The following PXT1 variants were observed in gnomAD, a reference collection of about 807,000 sequenced individuals.
PXT1 encodes the protein peroxisomal testis enriched protein 1.
PXT1 carries 11 observed loss-of-function variants against 11.0 expected under a neutral mutation model. The observed-to-expected ratio is 1.00, with a 90% CI of 0.63 to 1.66. The LOEUF (loss-of-function observed/expected upper bound fraction) is 1.66. Ranked by LOEUF, PXT1 falls within the 40% of genes most tolerant of loss-of-function variation. The pLI is 0.00. For synonymous variants in PXT1, 43 were observed against 51.4 expected (o/e 0.84, Z 0.70); for missense variants, 141 against 155.5 (o/e 0.91, Z 0.49).
At chr6:36,393,968 C>T (rs1774107388) in intron 4 of PXT1, among the ~76,000 whole-genome samples, 1 of 152,156 alleles carries the variant, frequency 6.6e-6, no homozygotes, top group African/African-American at 2.4e-5. Flanking sequence ...CAGAGCCTGA[C>T]ATACAGCAGG....
rs1220591722 is a variant in PXT1 at position 36,400,365 on chromosome 6, C to T, written c.300+89G>A. On this transcript the variant is annotated intron_variant, in intron 4 of 4. Transcript: ENST00000454782. ...CATTATTCCATTAATTCTGATAATT[C>T]CTGGGCATCTCAGACACTTGGCAGC... 3.5e-6 allele frequency: 5 copies of T among 1,442,192 alleles called. No homozygotes were observed. In the South Asian group the frequency reaches 4.8e-5, roughly 14 times the overall value. 89.3% of individuals were successfully genotyped at this position (1,442,192 alleles called of 1,614,324 possible).
At chr6:36,437,828 T>C (rs1774789315) in intron 2 of PXT1, among the ~76,000 whole-genome samples, 1 of 139,008 alleles carries the variant, frequency 7.2e-6, no homozygotes, top group African/African-American at 2.7e-5. Flanking sequence ...TGCTTTTTTT[T>C]TTTTTTTTTT....
chr6:36,408,629 G>A (rs1257624577), intron 3 of PXT1, among the ~76,000 whole-genome samples: 2 of 150,970 alleles, frequency 1.3e-5, no homozygotes, highest in Admixed American at 6.6e-5. Context: ...ATTTTGGGAG[G>A]CTGTTGGGGG....
At chr6:36,405,907 C>G (rs1279124894) in intron 3 of PXT1, among the ~76,000 whole-genome samples, 1 of 152,212 alleles carries the variant, frequency 6.6e-6, no homozygotes, top group African/African-American at 2.4e-5. Flanking sequence ...ACAGGCTATA[C>G]CGTCTAGCCT....
chr6:36,421,614 T>C (rs1318820044), intron 3 of PXT1, among the ~76,000 whole-genome samples: 1 of 152,202 alleles, frequency 6.6e-6, no homozygotes, highest in African/African-American at 2.4e-5. Context: ...AAAACTTAAA[T>C]AGAACTTTTT....
intron 2 of PXT1, among the ~76,000 whole-genome samples, chr6:36,426,414 A>G (rs964982052): frequency 5.0e-5 from 6 of 119,554 alleles, no homozygotes; most frequent in Non-Finnish European, 7.9e-5. Flanking sequence ...CTTGTTGCCC[A>G]GGCTGGAGTG....
intron 4 of PXT1, among the ~76,000 whole-genome samples, chr6:36,394,511 G>A (rs539436330): frequency 6.6e-6 from 1 of 152,062 alleles, no homozygotes; most frequent in Non-Finnish European, 1.5e-5. Context: ...ACTCTAAAAG[G>A]TGTGGAGAAA....
At chr6:36,409,438 C>T (rs1417733737) in intron 3 of PXT1, among the ~76,000 whole-genome samples, 3 of 152,076 alleles carry the variant, frequency 2.0e-5, no homozygotes, top group African/African-American at 7.2e-5. Flanking sequence ...GGGAGACGCA[C>T]CCTTAACTGG....
At chr6:36,409,715 T>G (rs1452587545) in intron 3 of PXT1, among the ~76,000 whole-genome samples, 1 of 150,814 alleles carries the variant, frequency 6.6e-6, no homozygotes, top group Non-Finnish European at 1.5e-5. Context: ...TAGTCTCAGA[T>G]CTCGGGAGGC....
chr6:36,416,598 T>G (rs1409615100), intron 3 of PXT1, among the ~76,000 whole-genome samples: 1 of 152,188 alleles, frequency 6.6e-6, no homozygotes, highest in Non-Finnish European at 1.5e-5. Context: ...AGCCTCAACT[T>G]CTCTGTGCCT....
chr6:36,434,972 ATTGAAAATCACCC>A (rs1291616015), intron 2 of PXT1, among the ~76,000 whole-genome samples: 4 of 152,192 alleles, frequency 2.6e-5, no homozygotes, highest in Non-Finnish European at 4.4e-5. Context: ...CTTTTATGTG[ATTGAAAATCACCC>A]TTGAAGGTAA....
intron 3 of PXT1, among the ~76,000 whole-genome samples, chr6:36,407,751 G>C (rs2127412400): frequency 6.6e-6 from 1 of 152,100 alleles, no homozygotes; most frequent in East Asian, 1.9e-4. Context: ...TAAAGGTATA[G>C]CCTATTGCTC....
chr6:36,432,398 G>A (rs1327002438), intron 2 of PXT1, among the ~76,000 whole-genome samples: 1 of 152,066 alleles, frequency 6.6e-6, no homozygotes, highest in Non-Finnish European at 1.5e-5. Flanking sequence ...ACAATTGGGG[G>A]GAAATACACA....
intron 2 of PXT1, among the ~76,000 whole-genome samples, chr6:36,428,055 T>G (rs1774634059): frequency 1.3e-5 from 2 of 152,254 alleles, no homozygotes; most frequent in East Asian, 3.9e-4. Flanking sequence ...ACTGGACTCA[T>G]TAGGCAAACT....
At chr6:36,405,621 T>C (rs73408874) in intron 3 of PXT1, among the ~76,000 whole-genome samples, 147 of 152,176 alleles carry the variant, frequency 9.7e-4, no homozygotes, top group African/African-American at 3.3e-3. Context: ...AAAAGTAAAT[T>C]TGGTGTAGCC....
At chr6:36,404,839 T>C (rs1774266152) in intron 3 of PXT1, among the ~76,000 whole-genome samples, 1 of 152,038 alleles carries the variant, frequency 6.6e-6, no homozygotes, top group African/African-American at 2.4e-5. Flanking sequence ...GCACTTGTAA[T>C]CCCAGCTACT....
At chr6:36,439,915 A>G (rs1276709458) in intron 1 of PXT1, among the ~76,000 whole-genome samples, 1 of 152,142 alleles carries the variant, frequency 6.6e-6, no homozygotes, top group African/African-American at 2.4e-5. Flanking sequence ...AGCCTGGGCA[A>G]TATAGTGAGA....
chr6:36,426,824 A>G (rs1774614992), intron 2 of PXT1, among the ~76,000 whole-genome samples: 1 of 121,582 alleles, frequency 8.2e-6, no homozygotes, highest in African/African-American at 3.8e-5. Context: ...TCTTTGTCCT[A>G]TTTCCTCATG....
chr6:36,418,165 C>T (rs538480936), intron 3 of PXT1, among the ~76,000 whole-genome samples: 1 of 151,132 alleles, frequency 6.6e-6, no homozygotes, highest in Admixed American at 6.6e-5. Flanking sequence ...CTCTGCACTC[C>T]AGCCTGGGCG....
Sources: gnomAD v4.1 joint callset for allele counts (sites outside exome capture counted in the v4.1 genomes callset) on GRCh38, gnomAD v4.1.1 for gene constraint, MANE v1.5 for transcripts, NCBI Gene and HGNC (gene_info 2026-07-23, HGNC 2026-07-21) for gene names.